RAB31: variants seen among roughly 807,000 people sequenced by gnomAD.
RAB31 encodes the protein ras-related protein Rab-31.
RAB31 carries 21 observed loss-of-function variants against 25.6 expected under a neutral mutation model. That is an observed-to-expected ratio of 0.82 (90% CI 0.58 to 1.18). RAB31 has a LOEUF of 1.18. Ranked by LOEUF, RAB31 falls within the 50% of genes most tolerant of loss-of-function variation. The probability of loss-of-function intolerance (pLI) is 0.00; values close to 1 mark genes in which losing one functional copy is unlikely to be tolerated. For missense variants in RAB31, 196 were observed against 250.1 expected (o/e 0.78, Z 1.46); for synonymous variants, 87 against 84.0 (o/e 1.04, Z -0.20).
chr18:9,775,257 T>G lies in RAB31; in HGVS notation c.40-21T>G, dbSNP rs747792084. On this transcript the variant is annotated intron_variant, in intron 1 of 6. Coordinates refer to ENST00000578921, the MANE Select transcript of RAB31 (RefSeq NM_006868.4). ...AGTTGCCGCCCTTCATCTTCACGGT[T>G]GTATCCTCATTCTTTCCTAGGACAC... The G allele has an allele frequency of 1.9e-6, 3 of 1,613,750 alleles. No homozygotes were observed. The Admixed American group carries it at 5.0e-5, about 27-fold the overall frequency.
chr18:9,814,299 C>T (rs2143078141), intron 4 of RAB31, among the ~76,000 whole-genome samples: 1 of 152,294 alleles, frequency 6.6e-6, no homozygotes, highest in East Asian at 1.9e-4. Context: ...ACTGTAGAGG[C>T]AAAGTCATGC....
chr18:9,712,537 A>G (rs920492307), intron 1 of RAB31, among the ~76,000 whole-genome samples: 2 of 152,266 alleles, frequency 1.3e-5, no homozygotes, highest in East Asian at 1.9e-4. Flanking sequence ...TAACAACAAC[A>G]ACAAAAAATA....
intron 1 of RAB31, among the ~76,000 whole-genome samples, chr18:9,731,596 C>CTTTTTTTTTT (rs10685568): frequency 1.9e-5 from 2 of 107,632 alleles, no homozygotes; most frequent in African/African-American, 7.5e-5. Flanking sequence ...TGGGAATTTG[C>CTTTTTTTTTT]TTTTTTTTTT....
chr18:9,839,622 G>A (rs1474182644), intron 5 of RAB31, among the ~76,000 whole-genome samples: 2 of 152,184 alleles, frequency 1.3e-5, no homozygotes, highest in African/African-American at 4.8e-5. Context: ...CAGATTTGTA[G>A]GTGAGAGGTG....
chr18:9,845,381 T>C (rs866255349), intron 5 of RAB31, among the ~76,000 whole-genome samples: 1 of 152,234 alleles, frequency 6.6e-6, no homozygotes, highest in Admixed American at 6.5e-5. Flanking sequence ...ATGCATATCT[T>C]CTCTTCATGA....
At chr18:9,833,966 T>A (rs2143113201) in intron 5 of RAB31, among the ~76,000 whole-genome samples, 2 of 152,320 alleles carry the variant, frequency 1.3e-5, no homozygotes, top group East Asian at 3.9e-4. Context: ...TCATGCTTTT[T>A]ATGAGACAGA....
intron 6 of RAB31, among the ~76,000 whole-genome samples, chr18:9,853,120 A>T (rs1018822922): frequency 6.6e-6 from 1 of 151,840 alleles, no homozygotes; most frequent in African/African-American, 2.4e-5. Context: ...TATATTTTGG[A>T]TACATATTTT....
chr18:9,803,529 A>G (rs1406121290), intron 3 of RAB31, among the ~76,000 whole-genome samples: 1 of 152,076 alleles, frequency 6.6e-6, no homozygotes. Context: ...CCATGCCCCT[A>G]GTAACTCTCT....
At chr18:9,751,891 G>A (rs542639134) in intron 1 of RAB31, among the ~76,000 whole-genome samples, 2 of 152,276 alleles carry the variant, frequency 1.3e-5, no homozygotes, top group African/African-American at 4.8e-5. Context: ...ATACCCCAAG[G>A]TTCCGTTAAC....
chr18:9,812,137 T>C (rs1464744358), intron 3 of RAB31, among the ~76,000 whole-genome samples: 1 of 152,180 alleles, frequency 6.6e-6, no homozygotes, highest in East Asian at 1.9e-4. Context: ...ACTAATCCCA[T>C]CTGTGACCTC....
chr18:9,731,634 A>G (rs1334562168), intron 1 of RAB31, among the ~76,000 whole-genome samples: 4 of 126,782 alleles, frequency 3.2e-5, no homozygotes, highest in Admixed American at 1.0e-4. Context: ...GTCTAGCTCT[A>G]TCACCCTGGC....
At chr18:9,742,215 G>A (rs891699701) in intron 1 of RAB31, among the ~76,000 whole-genome samples, 3 of 152,194 alleles carry the variant, frequency 2.0e-5, no homozygotes, top group African/African-American at 7.2e-5. Context: ...GGTAAGAATC[G>A]CGATATTGCA....
intron 5 of RAB31, among the ~76,000 whole-genome samples, chr18:9,835,881 A>G (rs2068701874): frequency 6.6e-6 from 1 of 152,134 alleles, no homozygotes; most frequent in South Asian, 2.1e-4. Context: ...TTGGGTATTT[A>G]GAGAAAATAT....
intron 2 of RAB31, among the ~76,000 whole-genome samples, chr18:9,790,020 T>C (rs1289655037): frequency 2.0e-4 from 31 of 152,134 alleles, no homozygotes; most frequent in Admixed American, 2.0e-3. Context: ...AATATTACTA[T>C]GATGAATGCT....
chr18:9,838,011 C>T (rs182551945), intron 5 of RAB31, among the ~76,000 whole-genome samples: 1 of 152,306 alleles, frequency 6.6e-6, no homozygotes, highest in African/African-American at 2.4e-5. Flanking sequence ...AAAGTAGTGC[C>T]ATGCTGTCAT....
Position 9,708,309 on chromosome 18 carries a change from C to G in RAB31, c.-97C>G. 2.2e-6 allele frequency: 2 copies of G among 898,748 alleles called. No homozygotes were observed. The highest frequency in any genetic ancestry group is 1.5e-6 in the Non-Finnish European group (1 of 688,694). 55.7% of individuals were successfully genotyped at this position (898,748 alleles called of 1,614,324 possible). Reference sequence around the variant, plus strand: ...CGGCGGCGGTTCCGCCCGCGGGCGGCGCGAGCGAGGGGCAGAGGCGAGAGA... The same window carrying G: ...CGGCGGCGGTTCCGCCCGCGGGCGGGGCGAGCGAGGGGCAGAGGCGAGAGA... On this transcript the variant is annotated 5_prime_UTR_variant, in exon 1 of 7. Coordinates refer to ENST00000578921, the MANE Select transcript of RAB31 (RefSeq NM_006868.4). This position sits in a 1 kb window ranked among gnomAD's most constrained non-coding sequence, Gnocchi z 6.4.
At chr18:9,785,812 T>A (rs981279682) in intron 2 of RAB31, among the ~76,000 whole-genome samples, 41 of 152,150 alleles carry the variant, frequency 2.7e-4, no homozygotes, top group South Asian at 4.2e-4. Context: ...TGTAATCCCA[T>A]CACTTTGGGA....
intron 1 of RAB31, among the ~76,000 whole-genome samples, chr18:9,751,393 C>G (rs2068234358): frequency 1.3e-5 from 2 of 152,164 alleles, no homozygotes; most frequent in African/African-American, 2.4e-5. Context: ...ATACACACAG[C>G]TTTCTGTAAC....
In RAB31 at chr18:9,859,518, C is replaced by CCCACCACA. The variant is rs2068836805; in HGVS notation, c.*202_*209dup. On this transcript the variant is annotated 3_prime_UTR_variant, in exon 7 of 7. Coordinates refer to ENST00000578921, the MANE Select transcript of RAB31 (RefSeq NM_006868.4). ...AGGATTTTAGAAAACCCTGGGAAAA[C>CCCACCACA]CCACCACACCACCACAAAATGGCCT... is the stretch of plus-strand genomic sequence containing the variant. 2 of 478,406 alleles carry CCCACCACA rather than the reference C, an allele frequency of 4.2e-6. No homozygotes were observed. The allele number at this position is 478,406 out of a possible 1,614,324, so 29.6% of individuals were successfully genotyped here. A position where few individuals can be genotyped will look rare whatever the true frequency, so the allele number is the denominator to read the frequency against.
Sources: allele counts gnomAD v4.1 joint callset (sites outside exome capture counted in the v4.1 genomes callset), GRCh38; gene constraint gnomAD v4.1.1; non-coding constraint Gnocchi (gnomAD v3.1); transcripts MANE v1.5; gene names NCBI Gene and HGNC (gene_info 2026-07-23, HGNC 2026-07-21).